Variants in EPB41 observed in about 807,000 individuals in gnomAD.
EPB41 encodes protein 4.1.
In EPB41, 65 loss-of-function variants were observed where a neutral mutation model predicts 108.0. That is an observed-to-expected ratio of 0.60 (90% confidence interval 0.49 to 0.74). EPB41 has a LOEUF of 0.74. Ranked by LOEUF, EPB41 falls within the 30% of genes least tolerant of loss-of-function variation. The pLI is 0.00. For synonymous variants in EPB41, 336 were observed against 358.9 expected (o/e 0.94, Z 0.72); for missense variants, 875 against 1,037.0 (o/e 0.84, Z 2.15).
intron 1 of EPB41, among the ~76,000 whole-genome samples, chr1:28,951,233 A>G (rs1467764820): frequency 2.6e-5 from 4 of 152,068 alleles, no homozygotes; most frequent in Non-Finnish European, 5.9e-5. Flanking sequence ...TTGAGAAAAT[A>G]TATCTATAAA....
Position 29,118,511 on chromosome 1 carries a change from TAGAC to T in EPB41, c.*1702_*1705del, listed in dbSNP as rs1279388941. On this transcript the variant is annotated 3_prime_UTR_variant, in exon 21 of 21. Coordinates refer to ENST00000343067, the MANE Select transcript of EPB41 (RefSeq NM_001376013.1). Reference sequence around the variant, plus strand: ...GAATCCCAGTTCCAGCTTCCTAAAATAGACAGTGGGTATCGGGCAGCAGTCACTG... The same window carrying T: ...GAATCCCAGTTCCAGCTTCCTAAAATAGTGGGTATCGGGCAGCAGTCACTG... 6.6e-6 allele frequency: 1 copy of T among 152,228 alleles called. No homozygotes were observed. Among genetic ancestry groups the T allele is most frequent in the African/African-American group, 2.4e-5 (1 of 41,444 alleles). 9.4% of individuals were successfully genotyped at this position (152,228 alleles called of 1,614,324 possible).
chr1:29,068,891 T>C, intron 16 of EPB41: 3 of 932,538 alleles, frequency 3.2e-6, no homozygotes, highest in Non-Finnish European at 4.2e-6. Context: ...ATACCTTTTT[T>C]TCTTTTGGCT....
intron 6 of EPB41, among the ~76,000 whole-genome samples, chr1:29,016,276 A>C (rs2096577252): frequency 6.6e-6 from 1 of 151,574 alleles, no homozygotes; most frequent in Non-Finnish European, 1.5e-5. Context: ...CCTGGGTTCG[A>C]GCGATTCTTT....
chr1:28,997,171 G>C lies in EPB41; in HGVS notation c.682-44G>C, dbSNP rs1434534483. 3 of 1,412,638 alleles carry C rather than the reference G, an allele frequency of 2.1e-6. No homozygotes were observed. In the East Asian group the frequency reaches 6.8e-5, roughly 32 times the overall value. 87.5% of individuals were successfully genotyped at this position (1,412,638 alleles called of 1,614,324 possible). On this transcript the variant is annotated intron_variant, in intron 3 of 20. Transcript: ENST00000343067. ...CATCTCTTTTGGGGAAAAAATAAAA[G>C]AAGAAGAAACCTCAACTCAACTAAG... is the stretch of plus-strand genomic sequence containing the variant.
At chr1:28,900,969 A>G (rs892659840) in intron 1 of EPB41, among the ~76,000 whole-genome samples, 4 of 152,042 alleles carry the variant, frequency 2.6e-5, no homozygotes, top group South Asian at 2.1e-4. Flanking sequence ...TCACTCTGTT[A>G]CCCAGGCTGG....
At chr1:28,961,348 C>T (rs774524616) in intron 1 of EPB41, among the ~76,000 whole-genome samples, 4 of 151,948 alleles carry the variant, frequency 2.6e-5, no homozygotes, top group Admixed American at 6.6e-5. Flanking sequence ...AAGTGCTCTC[C>T]GAGAGTGTCC....
At position 29,058,607 on chromosome 1, in the gene EPB41, G is replaced by A. The variant is rs995238557; in HGVS notation, c.1864G>A (p.Glu622Lys). The A allele has an allele frequency of 8.1e-6, 13 of 1,613,558 alleles. No individual in the cohort carries two copies. Among genetic ancestry groups the A allele is most frequent in the South Asian group, 1.1e-5 (1 of 90,996 alleles). Residue 622 changes from glutamate to lysine, a missense_variant, in exon 13 of 21, where the codon GAG (glutamate) becomes AAG (lysine). Glu to Lys is a moderately conservative substitution (Grantham distance 56). This residue lies in a region of EPB41 where 519 missense variants were observed against 627.3 expected (regional missense o/e 0.83). Coordinates refer to ENST00000343067, the MANE Select transcript of EPB41 (RefSeq NM_001376013.1). ...AATGTAGGTGGAAAAAACCCACATC[G>A]AGGTGACAGTACCCACCTCAAATGG... ...EAWKVEKTHI[E>K]VTVPTSNGDQ...
chr1:28,889,711 G>A, intron 1 of EPB41: 4 of 620,002 alleles, frequency 6.5e-6, no homozygotes, highest in Non-Finnish European at 8.1e-6. Flanking sequence ...AGAGGCTGGG[G>A]TGGTGGGAGT....
rs984157804 is a variant in EPB41, at chr1:28,907,050, C to T, written c.-8+19840C>T. ...CCTCCCAAAGTGCTGGGATTACAGG[C>T]GTGAGCCACCATGCCTGGCCTTTTT... On this transcript the variant is annotated intron_variant, in intron 1 of 16. Transcript: ENST00000347529. 3.3e-5 allele frequency among the ~76,000 whole-genome samples: 5 copies of T among 151,092 alleles called. No individual in the cohort carries two copies. In the South Asian group the frequency reaches 6.3e-4, roughly 19 times the overall value.
intron 16 of EPB41, among the ~76,000 whole-genome samples, chr1:29,080,744 G>A (rs1277163832): frequency 1.3e-5 from 2 of 152,106 alleles, no homozygotes; most frequent in African/African-American, 4.8e-5. Flanking sequence ...ATTTCCCTTG[G>A]CCAGGCTCCT....
chr1:28,992,832 A>G (rs2096061393), intron 2 of EPB41, among the ~76,000 whole-genome samples: 1 of 152,228 alleles, frequency 6.6e-6, no homozygotes, highest in African/African-American at 2.4e-5. Flanking sequence ...GTTAGCTGGT[A>G]GTTAAAATTT....
chr1:28,889,317 AC>A (rs2089836641), intron 1 of EPB41, among the ~76,000 whole-genome samples: 1 of 152,186 alleles, frequency 6.6e-6, no homozygotes, highest in African/African-American at 2.4e-5. Flanking sequence ...GAGCCAGGCA[AC>A]ACCTGCCAGG....
At chr1:28,988,688 T>C (rs1016640523) in intron 2 of EPB41, among the ~76,000 whole-genome samples, 6 of 152,252 alleles carry the variant, frequency 3.9e-5, no homozygotes, top group South Asian at 2.1e-4. Context: ...AAAATTAATG[T>C]AGTCATTGGA....
At chr1:29,096,725 TCA>T (rs1439374659) in intron 16 of EPB41, 1 of 371,110 alleles carries the variant, frequency 2.7e-6, no homozygotes, top group African/African-American at 2.2e-5. Context: ...GTTTTCAAAA[TCA>T]CAGACTAAAA....
intron 1 of EPB41, among the ~76,000 whole-genome samples, chr1:28,900,817 C>T (rs58066571): frequency 0.056 from 8,569 of 152,200 alleles, 637 homozygotes; most frequent in African/African-American, 0.17. Context: ...TTGCACTTGC[C>T]AGTCCTTTGG....
chr1:28,920,161 G>T (rs938957770), intron 1 of EPB41, among the ~76,000 whole-genome samples: 1 of 152,154 alleles, frequency 6.6e-6, no homozygotes, highest in Non-Finnish European at 1.5e-5. Context: ...AGTTTATATT[G>T]ATTAGATTGG....
intron 16 of EPB41, chr1:29,070,211 TA>T: frequency 3.6e-6 from 2 of 556,024 alleles, no homozygotes; most frequent in Non-Finnish European, 5.4e-6. Context: ...TTTGCCAGGA[TA>T]AATTGCCAAA....
intron 1 of EPB41, among the ~76,000 whole-genome samples, chr1:28,974,518 A>G (rs1037637177): frequency 6.6e-6 from 1 of 152,228 alleles, no homozygotes; most frequent in African/African-American, 2.4e-5. Flanking sequence ...GACTCATACA[A>G]ACATAAAAGC....
chr1:28,951,361 TACACACACAC>T (rs58546363), intron 1 of EPB41, among the ~76,000 whole-genome samples: 153 of 143,032 alleles, frequency 1.1e-3, no homozygotes, highest in African/African-American at 3.0e-3. Context: ...CCCTGTGTCT[TACACACACAC>T]ACACACACAC....
Sources: allele counts gnomAD v4.1 joint callset (sites outside exome capture counted in the v4.1 genomes callset), GRCh38; gene constraint gnomAD v4.1.1; regional missense constraint gnomAD v4.1.1; transcripts MANE v1.5; gene names NCBI Gene and HGNC (gene_info 2026-07-23, HGNC 2026-07-21).